GRIN2A: variants seen among roughly 807,000 people sequenced by gnomAD.
GRIN2A encodes glutamate receptor ionotropic, NMDA 2A.
In GRIN2A, 22 loss-of-function variants were observed where a neutral mutation model predicts 113.4. The ratio of observed to expected loss-of-function variants is 0.19; its 90% confidence interval spans 0.14 to 0.28. The LOEUF is 0.28. GRIN2A is among the 10% of genes least tolerant of loss of function. The pLI is 1.00. For synonymous variants in GRIN2A, 827 were observed against 738.4 expected (o/e 1.12, Z -1.94); for missense variants, 1,502 against 1,887.0 (o/e 0.80, Z 3.78).
chr16:9,926,928 TA>T (rs57664314), intron 3 of GRIN2A, among the ~76,000 whole-genome samples: 1,902 of 147,756 alleles, frequency 0.013, 42 homozygotes, highest in African/African-American at 0.044. Context: ...ACTCTAAGTT[TA>T]AAAAAAAAAA....
chr16:9,883,021 C>G (rs2043514992), intron 4 of GRIN2A, among the ~76,000 whole-genome samples: 1 of 152,142 alleles, frequency 6.6e-6, no homozygotes, highest in Non-Finnish European at 1.5e-5. Flanking sequence ...GGCAGGCGGA[C>G]CTCCACTTAC....
intron 4 of GRIN2A, among the ~76,000 whole-genome samples, chr16:9,872,296 C>A (rs1341791341): frequency 6.6e-6 from 1 of 152,200 alleles, no homozygotes; most frequent in Non-Finnish European, 1.5e-5. Context: ...AACAGCTCAG[C>A]TCCTAACCGG....
At chr16:9,775,159 T>C (rs1424362831) in intron 11 of GRIN2A, among the ~76,000 whole-genome samples, 1 of 152,194 alleles carries the variant, frequency 6.6e-6, no homozygotes. Flanking sequence ...CAAAATTTGC[T>C]GAAACATATC....
chr16:9,854,065 C>T (rs1337934207), intron 4 of GRIN2A, among the ~76,000 whole-genome samples: 1 of 151,980 alleles, frequency 6.6e-6, no homozygotes, highest in Non-Finnish European at 1.5e-5. Flanking sequence ...TTTCTATGTC[C>T]ACAGCTTCTA....
chr16:9,896,017 A>G (rs2043797937), intron 3 of GRIN2A, among the ~76,000 whole-genome samples: 1 of 152,008 alleles, frequency 6.6e-6, no homozygotes, highest in African/African-American at 2.4e-5. Context: ...AGAGCCATTC[A>G]CAAGGTTGCG....
intron 2 of GRIN2A, among the ~76,000 whole-genome samples, chr16:10,171,766 G>C (rs2050048679): frequency 6.6e-6 from 1 of 152,088 alleles, no homozygotes; most frequent in South Asian, 2.1e-4. Context: ...CCTGTAATAA[G>C]CATTTATTAT....
intron 4 of GRIN2A, among the ~76,000 whole-genome samples, chr16:9,857,190 A>C (rs2042983551): frequency 6.6e-6 from 1 of 152,234 alleles, no homozygotes; most frequent in African/African-American, 2.4e-5. Context: ...GAGGAGCCTA[A>C]GGCAATATTA....
intron 2 of GRIN2A, among the ~76,000 whole-genome samples, chr16:9,973,151 G>A (rs537893997): frequency 6.6e-6 from 1 of 152,300 alleles, no homozygotes; most frequent in East Asian, 1.9e-4. Flanking sequence ...TTTTACAATA[G>A]TGATGTTATC....
chr16:10,009,832 C>A (rs17750303), intron 2 of GRIN2A, among the ~76,000 whole-genome samples: 28,578 of 152,102 alleles, frequency 0.19, 2,981 homozygotes, highest in East Asian at 0.35. Flanking sequence ...CAGAAGAGTC[C>A]AGGCAGCTAA....
intron 2 of GRIN2A, among the ~76,000 whole-genome samples, chr16:10,040,349 T>G (rs2047139021): frequency 6.9e-6 from 1 of 144,754 alleles, no homozygotes; most frequent in African/African-American, 2.6e-5. Context: ...CTCACAACCC[T>G]GGACTCACAA....
At chr16:9,829,051 T>G (rs2042438833) in intron 9 of GRIN2A, among the ~76,000 whole-genome samples, 1 of 152,136 alleles carries the variant, frequency 6.6e-6, no homozygotes, top group Non-Finnish European at 1.5e-5. Context: ...TCACCCCAAT[T>G]TCTTCTCATC....
chr16:10,074,864 T>A (rs544307075), intron 2 of GRIN2A, among the ~76,000 whole-genome samples: 1 of 152,350 alleles, frequency 6.6e-6, no homozygotes, highest in East Asian at 1.9e-4. Context: ...AACTTTAACA[T>A]GATAAATTTT....
At chr16:10,119,781 A>G (rs897392542) in intron 2 of GRIN2A, among the ~76,000 whole-genome samples, 23 of 152,060 alleles carry the variant, frequency 1.5e-4, no homozygotes, top group Admixed American at 2.6e-4. Context: ...TCCCCTCCCT[A>G]TGTCCCTGTG....
At chr16:10,055,377 G>A (rs1159507073) in intron 2 of GRIN2A, among the ~76,000 whole-genome samples, 1 of 152,080 alleles carries the variant, frequency 6.6e-6, no homozygotes, top group African/African-American at 2.4e-5. Context: ...ATGGTTGTTT[G>A]TTATTTTATT....
chr16:10,052,625 G>A (rs748157109), intron 2 of GRIN2A, among the ~76,000 whole-genome samples: 5 of 152,260 alleles, frequency 3.3e-5, no homozygotes, highest in South Asian at 2.1e-4. Flanking sequence ...AAGACCTCCC[G>A]GAAAATGTAG....
Position 9,757,849 on chromosome 16 carries a change from T to G in GRIN2A, c.*5300A>C, listed in dbSNP as rs1900418530. On this transcript the variant is annotated 3_prime_UTR_variant, in exon 13 of 13. Coordinates refer to ENST00000330684, the MANE Select transcript of GRIN2A (RefSeq NM_001134407.3). Reference sequence around the variant, plus strand: ...AAAACCAAATTCAAAGAAGCATGGGTAGGTCTTTCTGGGGCAAGTGGCAAA... The same window carrying G: ...AAAACCAAATTCAAAGAAGCATGGGGAGGTCTTTCTGGGGCAAGTGGCAAA... The G allele has an allele frequency of 4.4e-6, 1 of 225,990 alleles. No homozygotes were observed. Among genetic ancestry groups the G allele is most frequent in the African/African-American group, 2.2e-5 (1 of 44,942 alleles). 14.0% of individuals were successfully genotyped at this position (225,990 alleles called of 1,614,324 possible).
chr16:9,797,783 TA>T (rs1397284754), intron 11 of GRIN2A, among the ~76,000 whole-genome samples: 2 of 152,210 alleles, frequency 1.3e-5, no homozygotes, highest in Non-Finnish European at 2.9e-5. Flanking sequence ...TTTTGTGATG[TA>T]GGGGGCTGTC....
At chr16:9,911,006 T>G (rs2044124409) in intron 3 of GRIN2A, among the ~76,000 whole-genome samples, 1 of 152,034 alleles carries the variant, frequency 6.6e-6, no homozygotes. Context: ...AGAAAGGTCT[T>G]CTTTACTTTA....
intron 2 of GRIN2A, chr16:10,111,452 T>G: frequency 1.7e-5 from 10 of 587,826 alleles, no homozygotes; most frequent in Non-Finnish European, 2.8e-5. Context: ...CAGCAGCTCT[T>G]CCTCGGCGCC....
Sources: gnomAD v4.1 joint callset for allele counts (sites outside exome capture counted in the v4.1 genomes callset) on GRCh38, gnomAD v4.1.1 for gene constraint, MANE v1.5 for transcripts, NCBI Gene and HGNC (gene_info 2026-07-23, HGNC 2026-07-21) for gene names.